The following PRMT3 variants were observed in gnomAD, a reference collection of about 807,000 sequenced individuals.
PRMT3 encodes the protein protein arginine methyltransferase 3.
PRMT3 carries 62 observed loss-of-function variants against 71.9 expected under a neutral mutation model. The ratio of observed to expected loss-of-function variants is 0.86; its 90% CI spans 0.70 to 1.07. The LOEUF (loss-of-function observed/expected upper bound fraction) is 1.07. Among genes scored for constraint, PRMT3 ranks in the 50% least tolerant of loss-of-function variants. The pLI, the probability that PRMT3 is intolerant of heterozygous loss-of-function variation, is 0.00. For missense variants in PRMT3, 663 were observed against 643.0 expected (o/e 1.03, Z -0.34); for synonymous variants, 213 against 220.4 (o/e 0.97, Z 0.30).
In PRMT3 at chr11:20,397,615, G is replaced by C. The variant is rs1463129265; in HGVS notation, c.599G>C (p.Arg200Thr). 35 of 1,613,976 alleles carry C rather than the reference G, an allele frequency of 2.2e-5. No individual in the cohort carries two copies. The highest frequency in any genetic ancestry group is 2.7e-5 in the Non-Finnish European group (32 of 1,180,016). The change falls in exon 7 of 16, where the codon AGA (arginine) becomes ACA (threonine). Residue 200 changes from arginine to threonine, a missense_variant. Coordinates refer to ENST00000331079, the MANE Select transcript of PRMT3 (RefSeq NM_005788.4). ...GATTTTGTGATGCACACAGATGTCA[G>C]AACCTGCTCGTCATCTACTAGTGTC... ...AQDFVMHTDV[R>T]TCSSSTSVIA...
chr11:20,411,626 T>C (rs1207041922), intron 9 of PRMT3, among the ~76,000 whole-genome samples: 1 of 152,100 alleles, frequency 6.6e-6, no homozygotes, highest in Admixed American at 6.6e-5. Flanking sequence ...GTCAGAGAAA[T>C]AGCATTTGTG....
intron 13 of PRMT3, among the ~76,000 whole-genome samples, chr11:20,469,448 G>C (rs916832059): frequency 1.3e-5 from 2 of 152,134 alleles, no homozygotes; most frequent in African/African-American, 2.4e-5. Context: ...AAATGATTTT[G>C]AATAATGCTT....
chr11:20,459,179 GGGCCATA>G lies in PRMT3; in HGVS notation c.1073-2799_1073-2793del, dbSNP rs564414526. Reference sequence around the variant, plus strand: ...CTGGCAGCAGGCTGGATTTGACTATGGGCCATAGTCTGCTGACCCTGATAGAGAGACT... The same window carrying G: ...CTGGCAGCAGGCTGGATTTGACTATGGTCTGCTGACCCTGATAGAGAGACT... On this transcript the variant is annotated intron_variant, in intron 11 of 15. Coordinates refer to ENST00000331079, the MANE Select transcript of PRMT3 (RefSeq NM_005788.4). 3.5e-4 allele frequency among the ~76,000 whole-genome samples: 53 copies of G among 152,170 alleles called. 1 individual carries two copies. In the East Asian group the frequency reaches 9.6e-3, roughly 28 times the overall value.
At chr11:20,480,674 T>A (rs929619655) in intron 13 of PRMT3, among the ~76,000 whole-genome samples, 4 of 152,102 alleles carry the variant, frequency 2.6e-5, no homozygotes, top group Non-Finnish European at 5.9e-5. Flanking sequence ...TTGCAGTGAC[T>A]TACACAAAGG....
At position 20,474,949 on chromosome 11, in the gene PRMT3, A is replaced by G. The variant is rs1481935008; in HGVS notation, c.1347+10403A>G. ...GGCTAATAATTTTAAACTTTTCTAA[A>G]TAGGTGAAAGCAATGGAAGGACAAA... On this transcript the variant is annotated intron_variant, in intron 13 of 15. Transcript: ENST00000331079. Among the ~76,000 whole-genome samples the G allele has an allele frequency of 2.0e-5, 3 of 152,238 alleles. No homozygotes were observed. In the East Asian group the frequency reaches 5.8e-4, roughly 29 times the overall value.
chr11:20,460,545 C>G (rs1426231990), intron 11 of PRMT3, among the ~76,000 whole-genome samples: 1 of 152,142 alleles, frequency 6.6e-6, no homozygotes, highest in African/African-American at 2.4e-5. Flanking sequence ...TCTATTCTCC[C>G]TAGGTCTCAT....
chr11:20,494,314 C>G, intron 15 of PRMT3, 60 bp downstream of exon 15: 1 of 1,342,648 alleles, frequency 7.4e-7, no homozygotes, highest in Admixed American at 1.9e-5. Flanking sequence ...GATATTCATT[C>G]ATTTTACAGC....
At chr11:20,414,101 T>C (rs1405519233) in intron 9 of PRMT3, among the ~76,000 whole-genome samples, 2 of 152,142 alleles carry the variant, frequency 1.3e-5, no homozygotes, top group African/African-American at 4.8e-5. Flanking sequence ...CATGGTGGCT[T>C]AAGCACTTTG....
At chr11:20,488,660 A>G (rs550375467) in intron 13 of PRMT3, among the ~76,000 whole-genome samples, 159 of 152,274 alleles carry the variant, frequency 1.0e-3, no homozygotes, top group African/African-American at 3.7e-3. Context: ...GGTGATAGTG[A>G]TAATGATAAT....
rs550162828 is a variant in PRMT3, at chr11:20,486,913, C to T, written c.1348-7006C>T. 1.0e-3 allele frequency among the ~76,000 whole-genome samples: 159 copies of T among 151,946 alleles called. 1 individual carries two copies. Among genetic ancestry groups the T allele is most frequent in the Middle Eastern group, 3.4e-3 (1 of 294 alleles). On this transcript the variant is annotated intron_variant, in intron 13 of 15. Transcript: ENST00000331079. ...CTCTACTAAAATTACAAAGATTAGC[C>T]GGGCATCATGGCACACACCTCTAGT...
intron 13 of PRMT3, among the ~76,000 whole-genome samples, chr11:20,467,067 G>A (rs188211977): frequency 6.6e-6 from 1 of 152,288 alleles, no homozygotes; most frequent in Non-Finnish European, 1.5e-5. Flanking sequence ...GGAGTTACAG[G>A]TGTCTAGTTA....
At chr11:20,504,703 TGTGTGAGAGAGAGA>T (rs1338509733) in intron 15 of PRMT3, among the ~76,000 whole-genome samples, 1 of 123,586 alleles carries the variant, frequency 8.1e-6, no homozygotes, top group African/African-American at 3.6e-5. Flanking sequence ...TGTGTGTGTG[TGTGTGAGAGAGAGA>T]GAGAGAGAGA....
At chr11:20,468,254 T>G (rs564901397) in intron 13 of PRMT3, among the ~76,000 whole-genome samples, 3 of 152,324 alleles carry the variant, frequency 2.0e-5, no homozygotes, top group African/African-American at 7.2e-5. Context: ...GCTTTTCTTC[T>G]TGTGTTGAAA....
intron 15 of PRMT3, among the ~76,000 whole-genome samples, chr11:20,501,243 C>G (rs1236492870): frequency 6.6e-6 from 1 of 152,108 alleles, no homozygotes; most frequent in East Asian, 1.9e-4. Context: ...TACTGGAGTT[C>G]TAATAGAAGT....
intron 13 of PRMT3, among the ~76,000 whole-genome samples, chr11:20,479,268 T>G (rs912398888): frequency 3.9e-5 from 6 of 152,134 alleles, no homozygotes; most frequent in African/African-American, 1.4e-4. Flanking sequence ...TCGTTTATTC[T>G]CAGGAAACGT....
intron 15 of PRMT3, among the ~76,000 whole-genome samples, chr11:20,496,774 A>T (rs1195207928): frequency 6.6e-6 from 1 of 152,194 alleles, no homozygotes; most frequent in Non-Finnish European, 1.5e-5. Flanking sequence ...ATATTTCATA[A>T]ATTCTATAGC....
chr11:20,507,857 A>G (rs982834408), intron 15 of PRMT3, among the ~76,000 whole-genome samples: 2 of 151,642 alleles, frequency 1.3e-5, no homozygotes, highest in Middle Eastern at 3.2e-3. Context: ...CTGTATTCCC[A>G]GCACTTTGGG....
At chr11:20,468,656 ACT>A (rs1270054687) in intron 13 of PRMT3, among the ~76,000 whole-genome samples, 1 of 151,982 alleles carries the variant, frequency 6.6e-6, no homozygotes, top group Non-Finnish European at 1.5e-5. Context: ...GGCATGAACC[ACT>A]CTCTGCCTGG....
In PRMT3 at chr11:20,397,552, A is replaced by G. The variant is rs200813353; in HGVS notation, c.561-25A>G. 3.5e-5 allele frequency: 56 copies of G among 1,612,660 alleles called. No individual in the cohort carries two copies. In the Admixed American group the frequency reaches 4.5e-4, roughly 13 times the overall value. ...TTCATGGTCCAATAAACCTGTCTCA[A>G]GGGTGTATTTCAAATTGATTACAGA... On this transcript the variant is annotated intron_variant, in intron 6 of 15. Coordinates refer to ENST00000331079, the MANE Select transcript of PRMT3 (RefSeq NM_005788.4).
Sources: gnomAD v4.1 joint callset for allele counts (sites outside exome capture counted in the v4.1 genomes callset) on GRCh38, gnomAD v4.1.1 for gene constraint, MANE v1.5 for transcripts, NCBI Gene and HGNC (gene_info 2026-07-23, HGNC 2026-07-21) for gene names.